Variants in CARHSP1 observed in about 807,000 individuals in gnomAD.
The protein encoded by CARHSP1 is calcium regulated heat stable protein 1, also known as calcium-regulated heat-stable protein 1.
Under a neutral mutation model 12.5 loss-of-function variants are expected in CARHSP1, and 14 were observed. The ratio of observed to expected loss-of-function variants is 1.12; its 90% CI spans 0.74 to 1.75. The LOEUF (loss-of-function observed/expected upper bound fraction) is 1.75, where lower values mean the gene tolerates loss of function less well. CARHSP1 is among the 40% of genes most tolerant of loss of function. CARHSP1 has a pLI of 0.00. For missense variants in CARHSP1, 343 were observed against 201.6 expected, an observed-to-expected ratio of 1.70 and a Z score of -4.25; for synonymous variants, 161 against 82.0, an observed-to-expected ratio of 1.96 and a Z score of -5.20.
At chr16:8,861,685 C>T (rs1218034510) in intron 1 of CARHSP1, 2 of 1,288,962 alleles carry the variant, frequency 1.6e-6, no homozygotes, top group Admixed American at 4.6e-5. Flanking sequence ...CTTCTCTCAG[C>T]TACAGCCGCG....
rs1340659710 is a variant in CARHSP1, at chr16:8,854,485, C to G, written c.*679G>C. ...AGGGGTTCAGCCTCCCAGTACCAGCCTGCTGTGCCCAGGGGTGGGAGTGCT... is the reference window on the plus strand; with the variant it reads ...AGGGGTTCAGCCTCCCAGTACCAGCGTGCTGTGCCCAGGGGTGGGAGTGCT... On this transcript the variant is annotated 3_prime_UTR_variant, in exon 4 of 4. Transcript: ENST00000311052. 6.5e-6 allele frequency: 1 copy of G among 152,726 alleles called. No homozygotes were observed. The highest frequency in any genetic ancestry group is 2.4e-5 in the African/African-American group (1 of 41,460). The allele number at this position is 152,726 out of a possible 1,614,324, so 9.5% of individuals were successfully genotyped here.
intron 1 of CARHSP1, among the ~76,000 whole-genome samples, chr16:8,865,807 G>A (rs1309528569): frequency 6.6e-6 from 1 of 152,216 alleles, no homozygotes; most frequent in Non-Finnish European, 1.5e-5. Flanking sequence ...ACTTTTAGCA[G>A]CCCTGTTTTA....
Position 8,858,472 on chromosome 16 carries a change from C to A in CARHSP1, c.159G>T (p.Ala53=), listed in dbSNP as rs753833662. 2.5e-6 allele frequency: 4 copies of A among 1,613,406 alleles called. No individual in the cohort carries two copies. The African/African-American group carries it at 5.3e-5, about 22-fold the overall frequency. The change falls in exon 3 of 4, where the codon GCG becomes GCT. Residue 53 remains alanine, a splice_region_variant and synonymous_variant. Coordinates refer to ENST00000311052, the MANE Select transcript of CARHSP1 (RefSeq NM_014316.4). ...LPTRRTRTFS[A]TVRASQGPVY... ...CGGGGCCCTGTGAAGCCCGCACCGTCCTGACAGAGAGGGGGAAATGTCAGG... is the reference window on the plus strand; with the variant it reads ...CGGGGCCCTGTGAAGCCCGCACCGTACTGACAGAGAGGGGGAAATGTCAGG...
At position 8,855,173 on chromosome 16, in the gene CARHSP1, G is replaced by A; in HGVS notation, c.435C>T (p.Ile145=). 1 of 1,597,712 alleles carries A rather than the reference G, an allele frequency of 6.3e-7. No homozygotes were observed. The highest frequency in any genetic ancestry group is 2.3e-5 in the East Asian group (1 of 43,884). The change falls in exon 4 of 4, where the codon ATC becomes ATT. Residue 145 remains isoleucine, a synonymous_variant. Transcript: ENST00000311052. ...GTGCTTCCACCATCTCCTAGGAGCT[G>A]ATGACATGTCCAGACCAGGTCTCAT... The part of the protein sequence containing the change: ...TKHETWSGHV[I]SS
At chr16:8,860,352 C>A in intron 1 of CARHSP1, 1 of 985,420 alleles carries the variant, frequency 1.0e-6, no homozygotes, top group Non-Finnish European at 1.2e-6. Context: ...TAGTATGTAC[C>A]GGTAAATCCA....
At chr16:8,859,399 C>G (rs1227333542) in intron 1 of CARHSP1, 64 bp from the exon 2 acceptor site, 2 of 1,411,374 alleles carry the variant, frequency 1.4e-6, no homozygotes, top group Non-Finnish European at 1.9e-6. Context: ...TGCTTACCCC[C>G]ATGTCCACGT....
At position 8,859,291 on chromosome 16, in the gene CARHSP1, G is replaced by C; in HGVS notation, c.38C>G (p.Thr13Ser). ...SEPPPPPQPP[T>S]HQASVGLLDT... ...CAGCAGCCCGACTGAAGCTTGATGG[G>C]TGGGGGGCTGTGGTGGTGGGGGAGG... The change falls in exon 2 of 4, where the codon ACC (threonine) becomes AGC (serine). Residue 13 changes from threonine (T) to serine (S), a missense_variant. Physicochemically the swap from Thr to Ser is moderately conservative, Grantham distance 58. Coordinates refer to ENST00000311052, the MANE Select transcript of CARHSP1 (RefSeq NM_014316.4). The C allele has an allele frequency of 6.2e-7, 1 of 1,603,580 alleles. No homozygotes were observed. Among genetic ancestry groups the C allele is most frequent in the South Asian group, 1.1e-5 (1 of 89,778 alleles).
At chr16:8,858,616 C>A in intron 2 of CARHSP1, 144 bp from the exon 3 acceptor site, 1 of 1,011,712 alleles carries the variant, frequency 9.9e-7, no homozygotes, top group East Asian at 2.6e-5. Flanking sequence ...ACTGCACAAC[C>A]CTCAACCCTG....
At chr16:8,855,913 G>A (rs959972356) in intron 3 of CARHSP1, among the ~76,000 whole-genome samples, 16 of 152,228 alleles carry the variant, frequency 1.1e-4, no homozygotes, top group Non-Finnish European at 1.9e-4. Flanking sequence ...TCCACCTCCC[G>A]AGTTCAAGTG....
At chr16:8,862,612 C>T (rs867775802) in intron 1 of CARHSP1, among the ~76,000 whole-genome samples, 2 of 152,180 alleles carry the variant, frequency 1.3e-5, no homozygotes, top group South Asian at 2.1e-4. Flanking sequence ...GCCTGCAGGA[C>T]CCTGAACAGC....
chr16:8,859,316 G>C lies in CARHSP1; in HGVS notation c.13C>G (p.Pro5Ala), dbSNP rs1274693316. 6.2e-7 allele frequency: 1 copy of C among 1,601,096 alleles called. No homozygotes were observed. Among genetic ancestry groups the C allele is most frequent in the Admixed American group, 1.7e-5 (1 of 58,910 alleles). Reference sequence around the variant, plus strand: ...GTGGGGGGCTGTGGTGGTGGGGGAGGCTCAGATGACATGGCTGACCTGGAA... The same window carrying C: ...GTGGGGGGCTGTGGTGGTGGGGGAGCCTCAGATGACATGGCTGACCTGGAA... Reference protein sequence around the residue: MSSEPPPPPQPPTHQ... With the variant: MSSEAPPPPQPPTHQ... The change falls in exon 2 of 4, where the codon CCT (proline) becomes GCT (alanine). Residue 5 changes from proline (P) to alanine (A), a missense_variant. Pro to Ala is a conservative substitution (Grantham distance 27). Transcript: ENST00000311052.
rs1049992053 is a variant in CARHSP1, at chr16:8,853,312, C to G, written c.*1852G>C. On this transcript the variant is annotated 3_prime_UTR_variant, in exon 4 of 4. Coordinates refer to ENST00000311052, the MANE Select transcript of CARHSP1 (RefSeq NM_014316.4). Reference sequence around the variant, plus strand: ...TACCAGCAGATGGGCCCTTGGGAAGCCAACAGGGAACAATTCAAGGCTGGA... The same window carrying G: ...TACCAGCAGATGGGCCCTTGGGAAGGCAACAGGGAACAATTCAAGGCTGGA... 3.4e-5 allele frequency: 5 copies of G among 148,586 alleles called. No homozygotes were observed. The highest frequency in any genetic ancestry group is 1.3e-4 in the African/African-American group (5 of 39,556). 9.2% of individuals were successfully genotyped at this position (148,586 alleles called of 1,614,324 possible). A position where few individuals can be genotyped will look rare whatever the true frequency, so the allele number is the denominator to read the frequency against.
intron 3 of CARHSP1, among the ~76,000 whole-genome samples, chr16:8,857,266 T>G (rs1047710937): frequency 6.6e-5 from 1 of 15,122 alleles, no homozygotes; most frequent in African/African-American, 2.2e-4. Flanking sequence ...CAGATCTGTT[T>G]TTTTTTTTTT....
intron 3 of CARHSP1, among the ~76,000 whole-genome samples, chr16:8,856,224 C>T (rs1380266329): frequency 1.3e-5 from 2 of 152,150 alleles, no homozygotes; most frequent in African/African-American, 4.8e-5. Flanking sequence ...ATGAGTCACC[C>T]TCTCACATGA....
At chr16:8,858,173 C>G (rs1313761855) in intron 3 of CARHSP1, 177 bp downstream of exon 3, 1 of 738,692 alleles carries the variant, frequency 1.4e-6, no homozygotes, top group Non-Finnish European at 2.2e-6. Context: ...GTCTCACAAC[C>G]CCAACCCAAC....
At chr16:8,864,097 A>G (rs759683833) in intron 1 of CARHSP1, among the ~76,000 whole-genome samples, 1 of 152,248 alleles carries the variant, frequency 6.6e-6, no homozygotes, top group African/African-American at 2.4e-5. Context: ...CCAAGGTGTC[A>G]TGACTGCCAG....
intron 1 of CARHSP1, chr16:8,867,165 CCTT>C (rs1567192025): frequency 1.3e-5 from 2 of 152,512 alleles, no homozygotes; most frequent in Non-Finnish European, 2.9e-5. Flanking sequence ...CCCAAGCCCT[CCTT>C]CTCAACAAGA....
At chr16:8,858,186 A>G (rs2061211446) in intron 3 of CARHSP1, 164 bp downstream of exon 3, 1 of 815,616 alleles carries the variant, frequency 1.2e-6, no homozygotes, top group Non-Finnish European at 1.9e-6. Context: ...AACCCAACAC[A>G]CACACAGGAG....
intron 3 of CARHSP1, among the ~76,000 whole-genome samples, chr16:8,857,267 T>TTTGTTTTG (rs1285555523): frequency 5.8e-5 from 1 of 17,238 alleles, no homozygotes; most frequent in African/African-American, 1.9e-4. Flanking sequence ...AGATCTGTTT[T>TTTGTTTTG]TTTTTTTTTT....
Sources: gnomAD v4.1 joint callset for allele counts (sites outside exome capture counted in the v4.1 genomes callset) on GRCh38, gnomAD v4.1.1 for gene constraint, MANE v1.5 for transcripts, NCBI Gene and HGNC (gene_info 2026-07-23, HGNC 2026-07-21) for gene names.